Variants in AGMO observed in about 807,000 individuals in gnomAD.
AGMO encodes the protein alkylglycerol monooxygenase.
Under a neutral mutation model 60.2 loss-of-function variants are expected in AGMO, and 75 were observed. That is an observed-to-expected ratio of 1.25 (90% CI 1.03 to 1.51). AGMO has a LOEUF of 1.51. Ranked by LOEUF, AGMO falls within the 40% of genes most tolerant of loss-of-function variation. AGMO has a pLI of 0.00. For synonymous variants in AGMO, 261 were observed against 177.1 expected (o/e 1.47, Z -3.76); for missense variants, 763 against 525.5 (o/e 1.45, Z -4.42).
chr7:15,249,546 T>G (rs567219213), intron 12 of AGMO, among the ~76,000 whole-genome samples: 6 of 152,314 alleles, frequency 3.9e-5, no homozygotes, highest in African/African-American at 1.4e-4. Flanking sequence ...GAAGGATATT[T>G]AAAAAGGTAA....
chr7:15,531,055 A>G lies in AGMO; in HGVS notation c.409+13717T>C, dbSNP rs866408838. Among the ~76,000 whole-genome samples, 15 of 97,906 alleles carry G rather than the reference A, an allele frequency of 1.5e-4. 1 individual carries two copies. The highest frequency in any genetic ancestry group is 6.0e-4 in the East Asian group (2 of 3,316). The allele number at this position is 97,906 out of a possible 152,430, so 64.2% of individuals were successfully genotyped here. A position where few individuals can be genotyped will look rare whatever the true frequency, so the allele number is the denominator to read the frequency against. On this transcript the variant is annotated intron_variant, in intron 3 of 12. Coordinates refer to ENST00000342526, the MANE Select transcript of AGMO (RefSeq NM_001004320.2). Reference sequence around the variant, plus strand: ...TATATATTCTATATATATTCTATATATATTCTGTATATATTCTATATATAT... The same window carrying G: ...TATATATTCTATATATATTCTATATGTATTCTGTATATATTCTATATATAT...
chr7:15,433,901 T>C (rs1583548279), intron 3 of AGMO, among the ~76,000 whole-genome samples: 2 of 152,214 alleles, frequency 1.3e-5, no homozygotes, highest in East Asian at 1.9e-4. Flanking sequence ...TTGGCCAACA[T>C]TTTATGTAAT....
chr7:15,448,900 A>C (rs1216545605), intron 3 of AGMO, among the ~76,000 whole-genome samples: 2 of 152,178 alleles, frequency 1.3e-5, no homozygotes, highest in Non-Finnish European at 2.9e-5. Flanking sequence ...ACAATGTGTT[A>C]GTTCTTATTG....
the AGMO span, among the ~76,000 whole-genome samples, chr7:15,152,343 T>C: frequency 6.6e-6 from 1 of 152,020 alleles, no homozygotes; most frequent in Non-Finnish European, 1.5e-5. Context: ...TGGTAAAAGG[T>C]TTTTTGAATT....
intron 9 of AGMO, among the ~76,000 whole-genome samples, chr7:15,386,801 C>T (rs965132953): frequency 6.6e-6 from 1 of 152,208 alleles, no homozygotes; most frequent in African/African-American, 2.4e-5. Context: ...AAAGCACCTT[C>T]TCTTTCTTCC....
chr7:15,225,272 T>C (rs1190567298), intron 12 of AGMO, among the ~76,000 whole-genome samples: 2 of 152,014 alleles, frequency 1.3e-5, no homozygotes, highest in East Asian at 1.9e-4. Context: ...TGAAGTTGCA[T>C]TCCAAATGCT....
At chr7:15,237,709 C>G (rs1319400584) in intron 12 of AGMO, among the ~76,000 whole-genome samples, 3 of 152,050 alleles carry the variant, frequency 2.0e-5, no homozygotes, top group African/African-American at 7.2e-5. Context: ...CACACAAATA[C>G]ACAAATACTG....
chr7:15,352,068 T>C (rs1281894614), intron 12 of AGMO, among the ~76,000 whole-genome samples: 1 of 152,216 alleles, frequency 6.6e-6, no homozygotes, highest in Non-Finnish European at 1.5e-5. Context: ...GCAGTTAATA[T>C]GACAGAAGAA....
At chr7:15,327,415 A>C (rs1222523495) in intron 12 of AGMO, among the ~76,000 whole-genome samples, 1 of 152,194 alleles carries the variant, frequency 6.6e-6, no homozygotes, top group Non-Finnish European at 1.5e-5. Context: ...AAAAGCAGCA[A>C]GTGTAGGAAT....
chr7:15,180,904 C>A, the AGMO span, among the ~76,000 whole-genome samples: 1 of 152,102 alleles, frequency 6.6e-6, no homozygotes. Flanking sequence ...AAAGGTCATC[C>A]CATGATGGAA....
Position 15,409,177 on chromosome 7 carries a change from G to C in AGMO, c.609+9381C>G, listed in dbSNP as rs555539877. ...TCACCGAAGTATTTCATCAGGGCTG[G>C]CCTCTGAAAATAGGTTAGATTTTAA... On this transcript the variant is annotated intron_variant, in intron 5 of 12. Transcript: ENST00000342526. 6.6e-5 allele frequency among the ~76,000 whole-genome samples: 10 copies of C among 152,054 alleles called. No homozygotes were observed. In the South Asian group the frequency reaches 2.1e-3, roughly 31 times the overall value.
At chr7:15,560,881 T>G (rs929820582) in intron 1 of AGMO, among the ~76,000 whole-genome samples, 3 of 152,198 alleles carry the variant, frequency 2.0e-5, no homozygotes, top group African/African-American at 7.2e-5. Flanking sequence ...GAGCATTGAA[T>G]TTGGTTTGAT....
chr7:15,135,438 T>G, the AGMO span, among the ~76,000 whole-genome samples: 2 of 152,144 alleles, frequency 1.3e-5, no homozygotes, highest in African/African-American at 4.8e-5. Flanking sequence ...CCATGATAAA[T>G]GAAACAGCCA....
chr7:15,427,206 C>G (rs1440810495), intron 4 of AGMO, among the ~76,000 whole-genome samples: 1 of 152,102 alleles, frequency 6.6e-6, no homozygotes, highest in Non-Finnish European at 1.5e-5. Flanking sequence ...AATATTTTTT[C>G]TATAGTAGAT....
the AGMO span, among the ~76,000 whole-genome samples, chr7:15,150,041 T>C: frequency 3.9e-5 from 6 of 152,186 alleles, no homozygotes; most frequent in East Asian, 1.2e-3. Flanking sequence ...TTTTTAGGTA[T>C]TTTATTCTTT....
intron 3 of AGMO, among the ~76,000 whole-genome samples, chr7:15,474,432 C>T (rs1413705442): frequency 1.3e-5 from 2 of 150,928 alleles, no homozygotes; most frequent in Non-Finnish European, 3.0e-5. Flanking sequence ...ACAAACCTGA[C>T]AAAAGCAATG....
chr7:15,151,945 T>G, the AGMO span, among the ~76,000 whole-genome samples: 2 of 152,158 alleles, frequency 1.3e-5, no homozygotes, highest in Non-Finnish European at 2.9e-5. Flanking sequence ...CTATTCTGTT[T>G]TTAGTGCTTC....
chr7:15,364,787 G>A (rs1174174731), intron 12 of AGMO, among the ~76,000 whole-genome samples: 1 of 151,976 alleles, frequency 6.6e-6, no homozygotes, highest in Admixed American at 6.6e-5. Context: ...AAGAGCGGGG[G>A]ATATTAGTAT....
intron 12 of AGMO, among the ~76,000 whole-genome samples, chr7:15,343,224 C>T (rs1207878564): frequency 6.6e-6 from 1 of 152,108 alleles, no homozygotes; most frequent in African/African-American, 2.4e-5. Flanking sequence ...TATTATGCCC[C>T]TTTAATGACA....
Sources: gnomAD v4.1 joint callset for allele counts (sites outside exome capture counted in the v4.1 genomes callset) on GRCh38, gnomAD v4.1.1 for gene constraint, MANE v1.5 for transcripts, NCBI Gene and HGNC (gene_info 2026-07-23, HGNC 2026-07-21) for gene names.